Variants in LRRC75A observed in about 807,000 individuals in gnomAD.
LRRC75A encodes the protein leucine rich repeat containing 75A, also known as leucine-rich repeat-containing protein 75A.
Under a neutral mutation model 26.0 loss-of-function variants are expected in LRRC75A, and 12 were observed. The observed-to-expected ratio is 0.46, with a 90% CI of 0.30 to 0.75. The LOEUF (loss-of-function observed/expected upper bound fraction) is 0.75. LRRC75A is among the 30% of genes least tolerant of loss of function. LRRC75A has a pLI of 0.08. For missense variants in LRRC75A, 410 were observed against 486.6 expected (o/e 0.84, Z 1.48); for synonymous variants, 223 against 219.3 (o/e 1.02, Z -0.15).
intron 1 of LRRC75A, among the ~76,000 whole-genome samples, chr17:16,476,293 G>A (rs560911497): frequency 8.7e-4 from 132 of 152,158 alleles, no homozygotes; most frequent in African/African-American, 3.0e-3. Flanking sequence ...ACTTGAACCC[G>A]GGAGGTGGAG....
intron 1 of LRRC75A, among the ~76,000 whole-genome samples, chr17:16,466,025 G>A (rs551646593): frequency 6.6e-6 from 1 of 152,360 alleles, no homozygotes; most frequent in South Asian, 2.1e-4. Flanking sequence ...CAAAGGCCAT[G>A]GCACACATTA....
intron 1 of LRRC75A, among the ~76,000 whole-genome samples, chr17:16,483,581 T>G (rs914594370): frequency 9.9e-5 from 15 of 152,198 alleles, no homozygotes; most frequent in African/African-American, 3.4e-4. Context: ...CCTGGTGGAA[T>G]CTCAGCAGTG....
At position 16,441,704 on chromosome 17, in the gene LRRC75A, C is replaced by CCGAA; in HGVS notation, c.*1883_*1884insTTCG. The CCGAA allele has an allele frequency of 3.7e-6, 1 of 269,160 alleles. No individual in the cohort carries two copies. Among genetic ancestry groups the CCGAA allele is most frequent in the Non-Finnish European group, 7.4e-6 (1 of 134,282 alleles). 16.7% of individuals were successfully genotyped at this position (269,160 alleles called of 1,614,324 possible). ...TCCTCCCACCTTGTAGCTGGGACTA[C>CCGAA]AGCTCACAGCACACCTGGCTAAAAT... On this transcript the variant is annotated 3_prime_UTR_variant, in exon 4 of 4. Transcript: ENST00000470794.
chr17:16,474,182 C>T (rs973449709), intron 1 of LRRC75A, among the ~76,000 whole-genome samples: 1 of 151,838 alleles, frequency 6.6e-6, no homozygotes, highest in African/African-American at 2.4e-5. Context: ...GGGGGACAGA[C>T]GTGGGTTAGA....
chr17:16,443,626 G>T lies in LRRC75A; in HGVS notation c.997C>A (p.His333Asn). Residue 333 changes from histidine to asparagine, a missense_variant, in exon 4 of 4, where the codon CAT becomes AAT. By Grantham distance (68) the His-to-Asn change is moderately conservative (BLOSUM62 1). Coordinates refer to ENST00000470794, the MANE Select transcript of LRRC75A (RefSeq NM_001113567.3). ...GGPVAPAEDH[H>N]EGKETVAAAQ... ...GCAGCTACAGTCTCCTTGCCCTCAT[G>T]GTGGTCTTCGGCAGGTGCCACAGGG... 6.5e-7 allele frequency: 1 copy of T among 1,546,888 alleles called. No homozygotes were observed.
In LRRC75A at chr17:16,443,638, C is replaced by CA; in HGVS notation, c.984dup (p.Ala329CysfsTer6). 1.3e-6 allele frequency: 2 copies of CA among 1,553,224 alleles called. No homozygotes were observed. The highest frequency in any genetic ancestry group is 1.7e-6 in the Non-Finnish European group (2 of 1,147,206). ...TCCTTGCCCTCATGGTGGTCTTCGG[C>CA]AGGTGCCACAGGGCCCCCTCCAGGG... On this transcript the variant is annotated frameshift_variant, in exon 4 of 4. Transcript: ENST00000470794. LOFTEE classifies it high-confidence loss of function.
intron 2 of LRRC75A, among the ~76,000 whole-genome samples, chr17:16,451,418 C>T (rs190697948): frequency 4.6e-5 from 7 of 151,978 alleles, no homozygotes; most frequent in Non-Finnish European, 8.8e-5. Flanking sequence ...GTCAGGAGTT[C>T]GAGATCAGCC....
At chr17:16,467,588 C>T (rs1245488324) in intron 1 of LRRC75A, among the ~76,000 whole-genome samples, 1 of 152,192 alleles carries the variant, frequency 6.6e-6, no homozygotes, top group Non-Finnish European at 1.5e-5. Flanking sequence ...TGATGACACA[C>T]CTGAAGACAA....
chr17:16,461,901 A>C (rs1484709552), intron 2 of LRRC75A, among the ~76,000 whole-genome samples: 1 of 152,118 alleles, frequency 6.6e-6, no homozygotes, highest in African/African-American at 2.4e-5. Flanking sequence ...AACCTGTACA[A>C]CTGTATGTGG....
intron 3 of LRRC75A, among the ~76,000 whole-genome samples, chr17:16,446,099 G>A (rs1325750646): frequency 6.6e-6 from 1 of 152,150 alleles, no homozygotes. Context: ...AGTAGAGACA[G>A]GGTTTCACTA....
chr17:16,480,371 T>A (rs539876002), intron 1 of LRRC75A, among the ~76,000 whole-genome samples: 1 of 152,298 alleles, frequency 6.6e-6, no homozygotes, highest in South Asian at 2.1e-4. Flanking sequence ...GGCTCATGCC[T>A]GTAATCCTAG....
At chr17:16,485,178 G>A (rs571870446) in intron 1 of LRRC75A, among the ~76,000 whole-genome samples, 2 of 152,052 alleles carry the variant, frequency 1.3e-5, no homozygotes, top group Non-Finnish European at 2.9e-5. Flanking sequence ...TAGATGCCTG[G>A]GCCCTCTCCT....
intron 1 of LRRC75A, among the ~76,000 whole-genome samples, chr17:16,471,347 T>G (rs911526895): frequency 6.6e-6 from 1 of 152,206 alleles, no homozygotes; most frequent in African/African-American, 2.4e-5. Flanking sequence ...AGAATATGTT[T>G]CGGTTGGTCC....
intron 2 of LRRC75A, among the ~76,000 whole-genome samples, chr17:16,454,461 G>C (rs376312214): frequency 1.3e-5 from 2 of 151,758 alleles, no homozygotes; most frequent in East Asian, 1.9e-4. Flanking sequence ...GGAGGCAGAG[G>C]GGGGCGGATC....
At chr17:16,489,332 AC>A (rs2093852779) in intron 1 of LRRC75A, among the ~76,000 whole-genome samples, 1 of 151,894 alleles carries the variant, frequency 6.6e-6, no homozygotes, top group African/African-American at 2.4e-5. Context: ...ATTGACTCCC[AC>A]CCCAGAGGCC....
rs1366279658 is a variant in LRRC75A at position 16,456,240 on chromosome 17, G to GAA, written c.375+6017_375+6018insTT. On this transcript the variant is annotated intron_variant, in intron 2 of 3. Transcript: ENST00000470794. ...AGAGGAGGAAGAAGAGGAGAAAGGA[G>GAA]GAGAAGAAGGAAGAGGATCAGGAAG... is the stretch of plus-strand genomic sequence containing the variant. 4.8e-5 allele frequency among the ~76,000 whole-genome samples: 7 copies of GAA among 146,154 alleles called. 1 individual carries two copies. The highest frequency in any genetic ancestry group is 1.8e-4 in the African/African-American group (7 of 39,236).
At chr17:16,478,670 G>A (rs2093826719) in intron 1 of LRRC75A, 1 of 152,152 alleles carries the variant, frequency 6.6e-6, no homozygotes, top group African/African-American at 2.4e-5. Context: ...GGGAATTCTT[G>A]GAACAGGTAA....
chr17:16,472,880 T>C (rs1210903202), intron 1 of LRRC75A, among the ~76,000 whole-genome samples: 7 of 152,232 alleles, frequency 4.6e-5, no homozygotes, highest in African/African-American at 1.4e-4. Flanking sequence ...TCCTGCTTTT[T>C]AGGATGAGTA....
Position 16,462,370 on chromosome 17 carries a change from G to A in LRRC75A, c.263C>T (p.Ser88Leu), listed in dbSNP as rs749545842. ...ATACAGAACGTCGTCTAGCGAGGTC[G>A]ACTCCATGCCCAGGTCCTGCAAGAG... ...QHLRQDLGME[S>L]TSLDDVLYRY... The change falls in exon 2 of 4, where the codon TCG (serine) becomes TTG (leucine). Residue 88 changes from serine to leucine, a missense_variant. Coordinates refer to ENST00000470794, the MANE Select transcript of LRRC75A (RefSeq NM_001113567.3). The surrounding 1 kb of genome is among the most constrained non-coding windows in gnomAD (Gnocchi z 4.6). The A allele has an allele frequency of 4.3e-6, 7 of 1,614,046 alleles. No individual in the cohort carries two copies. The highest frequency in any genetic ancestry group is 1.6e-4 in the Middle Eastern group (1 of 6,062).
Sources: gnomAD v4.1 joint callset for allele counts (sites outside exome capture counted in the v4.1 genomes callset) on GRCh38, gnomAD v4.1.1 for gene constraint, Gnocchi (gnomAD v3.1) non-coding constraint, MANE v1.5 for transcripts, NCBI Gene and HGNC (gene_info 2026-07-23, HGNC 2026-07-21) for gene names.